ANO2: variants seen among roughly 807,000 people sequenced by gnomAD.
ANO2 encodes anoctamin 2.
A neutral mutation model predicts 124.2 loss-of-function variants in ANO2; 101 were observed. The observed-to-expected ratio is 0.81, with a 90% CI of 0.69 to 0.96. The LOEUF is 0.96. Ranked by LOEUF, ANO2 falls within the 40% of genes least tolerant of loss-of-function variation. ANO2 has a pLI of 0.00. For synonymous variants in ANO2, 486 were observed against 482.5 expected, an observed-to-expected ratio of 1.01 and a Z score of -0.09; for missense variants, 1,293 against 1,274.5, an observed-to-expected ratio of 1.01 and a Z score of -0.22.
chr12:5,734,833 A>G (rs1455980272), intron 13 of ANO2, among the ~76,000 whole-genome samples: 2 of 152,128 alleles, frequency 1.3e-5, no homozygotes, highest in East Asian at 3.9e-4. Context: ...TACTTTTAGT[A>G]GAGATGGGGT....
At chr12:5,793,454 T>C (rs866112849) in intron 10 of ANO2, among the ~76,000 whole-genome samples, 1 of 152,224 alleles carries the variant, frequency 6.6e-6, no homozygotes, top group South Asian at 2.1e-4. Flanking sequence ...AATTGAAAGC[T>C]TATTGTACAA....
chr12:5,752,187 G>A (rs568244701), intron 10 of ANO2, among the ~76,000 whole-genome samples: 2 of 152,318 alleles, frequency 1.3e-5, no homozygotes, highest in African/African-American at 4.8e-5. Flanking sequence ...ATATAGGAGT[G>A]CAGACATCTC....
chr12:5,578,367 G>C lies in ANO2; in HGVS notation c.2385C>G (p.Ile795Met). 1 of 1,613,548 alleles carries C rather than the reference G, an allele frequency of 6.2e-7. No homozygotes were observed. The highest frequency in any genetic ancestry group is 8.5e-7 in the Non-Finnish European group (1 of 1,179,640). The change falls in exon 21 of 25, where the codon ATC becomes ATG. Residue 795 changes from isoleucine (I) to methionine (M), a missense_variant and splice_region_variant. Ile to Met is a conservative substitution (Grantham distance 10, BLOSUM62 1). Transcript: ENST00000682330. ...RRPDAVRTKD[I>M]GIWFDILSGI... Reference sequence around the variant, plus strand: ...GGGGCCTCTAAGTGGGGCACGTACCGATATCTTTGGTTCTTACAGCATCCG... The same window carrying C: ...GGGGCCTCTAAGTGGGGCACGTACCCATATCTTTGGTTCTTACAGCATCCG...
At chr12:5,796,562 C>G (rs1384417569) in intron 10 of ANO2, among the ~76,000 whole-genome samples, 1 of 152,046 alleles carries the variant, frequency 6.6e-6, no homozygotes, top group East Asian at 1.9e-4. Flanking sequence ...CACTCTCATA[C>G]AGGCTCACAC....
chr12:5,712,978 A>G (rs997287467), intron 14 of ANO2, among the ~76,000 whole-genome samples: 1 of 152,190 alleles, frequency 6.6e-6, no homozygotes, highest in Non-Finnish European at 1.5e-5. Context: ...ATAATCTCCT[A>G]AACTCTGGAG....
intron 3 of ANO2, among the ~76,000 whole-genome samples, chr12:5,869,124 C>T (rs980183267): frequency 1.3e-5 from 2 of 152,106 alleles, no homozygotes; most frequent in African/African-American, 2.4e-5. Flanking sequence ...GAGAAGCCTG[C>T]AGGAAGTCCA....
chr12:5,848,366 T>C (rs202209665), intron 4 of ANO2, among the ~76,000 whole-genome samples: 2,078 of 109,830 alleles, frequency 0.019, 27 homozygotes, highest in Non-Finnish European at 0.032. Context: ...CTTCCCCCCC[T>C]CCCCAGTTAC....
At chr12:5,883,169 G>A (rs572715022) in intron 3 of ANO2, among the ~76,000 whole-genome samples, 141 of 151,568 alleles carry the variant, frequency 9.3e-4, no homozygotes, top group African/African-American at 3.1e-3. Context: ...CGGGCTTCCC[G>A]TCACTCCCCG....
intron 1 of ANO2, among the ~76,000 whole-genome samples, chr12:5,923,249 CACACACAT>C (rs1232433976): frequency 5.3e-5 from 4 of 74,778 alleles, no homozygotes; most frequent in African/African-American, 1.2e-4. Context: ...CACACGCATA[CACACACAT>C]ACACACACAC....
At chr12:5,585,871 A>C (rs956093283) in intron 20 of ANO2, among the ~76,000 whole-genome samples, 5 of 152,238 alleles carry the variant, frequency 3.3e-5, no homozygotes, top group Non-Finnish European at 4.4e-5. Context: ...GTTTGTGCAA[A>C]AGTGAACAAA....
intron 3 of ANO2, among the ~76,000 whole-genome samples, chr12:5,880,704 G>T (rs547626426): frequency 6.6e-6 from 1 of 152,036 alleles, no homozygotes; most frequent in African/African-American, 2.4e-5. Flanking sequence ...TAAATAATAA[G>T]GAGCAGATTA....
chr12:5,667,599 C>A (rs1384710617), intron 14 of ANO2, among the ~76,000 whole-genome samples: 1 of 152,104 alleles, frequency 6.6e-6, no homozygotes, highest in African/African-American at 2.4e-5. Context: ...AGGTTTGTTA[C>A]ATAGGTAAAC....
intron 20 of ANO2, among the ~76,000 whole-genome samples, chr12:5,579,995 C>T (rs900350741): frequency 2.6e-5 from 4 of 152,210 alleles, no homozygotes; most frequent in African/African-American, 9.6e-5. Context: ...CTGTGATTGA[C>T]TTGCTCACAC....
At chr12:5,884,601 C>T (rs914293657) in intron 3 of ANO2, among the ~76,000 whole-genome samples, 1 of 152,222 alleles carries the variant, frequency 6.6e-6, no homozygotes, top group African/African-American at 2.4e-5. Context: ...GGAAGCCCTT[C>T]CTGGTGCCCA....
At position 5,724,254 on chromosome 12, in the gene ANO2, C is replaced by A. The variant is rs187311898; in HGVS notation, c.1545+8266G>T. Among the ~76,000 whole-genome samples the A allele has an allele frequency of 3.3e-5, 5 of 152,156 alleles. No individual in the cohort carries two copies. The East Asian group carries it at 7.7e-4, about 23-fold the overall frequency. On this transcript the variant is annotated intron_variant, in intron 14 of 24. Transcript: ENST00000682330. ...GTGCCTCAGTGTTTCCCTTTGCCAA[C>A]GAGAAACCCTAAGAAGAGGCTGCGA...
intron 3 of ANO2, among the ~76,000 whole-genome samples, chr12:5,896,376 G>A (rs1044224884): frequency 1.3e-5 from 2 of 152,164 alleles, no homozygotes; most frequent in African/African-American, 4.8e-5. Context: ...AAGTTCTCCA[G>A]ATAATTCTGA....
intron 14 of ANO2, among the ~76,000 whole-genome samples, chr12:5,661,655 G>A (rs1947449053): frequency 6.6e-6 from 1 of 152,102 alleles, no homozygotes; most frequent in Non-Finnish European, 1.5e-5. Flanking sequence ...ACATGAGGGC[G>A]ATGCCACTGG....
chr12:5,602,832 T>G (rs1321706648), intron 19 of ANO2, among the ~76,000 whole-genome samples: 3 of 152,142 alleles, frequency 2.0e-5, no homozygotes, highest in Non-Finnish European at 4.4e-5. Context: ...AGGTTACAAT[T>G]CTCCAGATCA....
intron 14 of ANO2, among the ~76,000 whole-genome samples, chr12:5,652,549 T>C (rs553377133): frequency 1.3e-5 from 2 of 152,134 alleles, no homozygotes; most frequent in East Asian, 3.8e-4. Context: ...TATATTTAGT[T>C]GTCATGTCCC....
Sources: allele counts gnomAD v4.1 joint callset (sites outside exome capture counted in the v4.1 genomes callset), GRCh38; gene constraint gnomAD v4.1.1; transcripts MANE v1.5; gene names NCBI Gene and HGNC (gene_info 2026-07-23, HGNC 2026-07-21).